Variants in TOX3 observed in about 807,000 individuals in gnomAD.
The protein encoded by TOX3 is CAG trinucleotide repeat-containing gene F9 protein.
TOX3 carries 22 observed loss-of-function variants against 64.3 expected under a neutral mutation model. The observed-to-expected ratio is 0.34, with a 90% CI of 0.24 to 0.49. TOX3 has a LOEUF of 0.49. Among genes scored for constraint, TOX3 ranks in the 20% least tolerant of loss-of-function variants. TOX3 has a pLI of 0.99. For synonymous variants in TOX3, 291 were observed against 273.6 expected (o/e 1.06, Z -0.63); for missense variants, 661 against 714.4 (o/e 0.93, Z 0.85).
chr16:52,538,049 T>G (rs1338953066), intron 1 of TOX3, among the ~76,000 whole-genome samples: 1 of 152,188 alleles, frequency 6.6e-6, no homozygotes, highest in East Asian at 1.9e-4. Context: ...TTTTTCTCAC[T>G]TGCAACCAAA....
chr16:52,457,043 G>A (rs1320150364), intron 3 of TOX3, among the ~76,000 whole-genome samples: 1 of 152,194 alleles, frequency 6.6e-6, no homozygotes, highest in Non-Finnish European at 1.5e-5. Context: ...TCTTAGGGTA[G>A]CAGGATATGA....
chr16:52,446,048 C>G lies in TOX3; in HGVS notation c.852G>C (p.Glu284Asp). The part of the protein sequence containing the change: ...KGQNPNATFG[E>D]VSKIVASMWD... ...ACATAGATGCTACAATTTTTGAGAC[C>G]TCTCCAAAGGTTGCATTGGGGTTTT... Residue 284 changes from glutamate (E) to aspartate (D), a missense_variant, in exon 5 of 7, where the codon GAG (glutamate) becomes GAC (aspartate). Coordinates refer to ENST00000219746, the MANE Select transcript of TOX3 (RefSeq NM_001080430.4). 1 of 1,613,906 alleles carries G rather than the reference C, an allele frequency of 6.2e-7. No homozygotes were observed. The highest frequency in any genetic ancestry group is 1.1e-5 in the South Asian group (1 of 91,086).
At chr16:52,507,853 T>G (rs1218916154) in intron 1 of TOX3, among the ~76,000 whole-genome samples, 1 of 152,202 alleles carries the variant, frequency 6.6e-6, no homozygotes, top group African/African-American at 2.4e-5. Flanking sequence ...CTAGATTACA[T>G]TATTTGAAAG....
intron 1 of TOX3, among the ~76,000 whole-genome samples, chr16:52,514,202 T>C (rs1962384070): frequency 6.6e-6 from 1 of 152,216 alleles, no homozygotes; most frequent in Non-Finnish European, 1.5e-5. Flanking sequence ...TGGAGCTAAA[T>C]AATGGAGTCA....
intron 1 of TOX3, among the ~76,000 whole-genome samples, chr16:52,477,322 T>A (rs1961235252): frequency 6.6e-6 from 1 of 152,100 alleles, no homozygotes; most frequent in Non-Finnish European, 1.5e-5. Flanking sequence ...TTTTGAAATA[T>A]ATTAAATAAG....
chr16:52,546,785 C>A lies in TOX3; in HGVS notation c.-62G>T. Reference sequence around the variant, plus strand: ...GGTTCGCCGGGGCCGGGACCCGCCTCCTCGCCGCCGCTAGATCCACCGTCG... The same window carrying A: ...GGTTCGCCGGGGCCGGGACCCGCCTACTCGCCGCCGCTAGATCCACCGTCG... On this transcript the variant is annotated 5_prime_UTR_variant, in exon 1 of 7. Transcript: ENST00000219746. 2 of 1,421,164 alleles carry A rather than the reference C, an allele frequency of 1.4e-6. No individual in the cohort carries two copies. The highest frequency in any genetic ancestry group is 2.9e-5 in the South Asian group (2 of 69,010). The allele number at this position is 1,421,164 out of a possible 1,614,324, so 88.0% of individuals were successfully genotyped here.
In TOX3 at chr16:52,480,846, A is replaced by G. The variant is rs539978416; in HGVS notation, c.88-12272T>C. ...GATGCAGATAAAGCCATAAACAGTT[A>G]TAAACAGACAGGTATAAACATCAGT... On this transcript the variant is annotated intron_variant, in intron 1 of 6. Transcript: ENST00000219746. 1.8e-4 allele frequency among the ~76,000 whole-genome samples: 27 copies of G among 152,366 alleles called. No homozygotes were observed. The South Asian group carries it at 5.4e-3, about 30-fold the overall frequency.
At chr16:52,523,375 T>C (rs952201108) in intron 1 of TOX3, among the ~76,000 whole-genome samples, 2 of 152,136 alleles carry the variant, frequency 1.3e-5, no homozygotes, top group African/African-American at 2.4e-5. Context: ...AGACCAGGCT[T>C]TCCTCTGAAT....
At chr16:52,440,934 TG>T (rs1959962063) in intron 6 of TOX3, among the ~76,000 whole-genome samples, 1 of 151,864 alleles carries the variant, frequency 6.6e-6, no homozygotes, top group Non-Finnish European at 1.5e-5. Context: ...CTAATTTTTT[TG>T]TATTTTTTAG....
In TOX3 at chr16:52,536,627, C is replaced by CTATATATA. The variant is rs57164139; in HGVS notation, c.87+10002_87+10009dup. On this transcript the variant is annotated intron_variant, in intron 1 of 6. Transcript: ENST00000219746. ...TCTTTTCTACTGAAATAGATATACA[C>CTATATATA]TATATATATATATATATATATATAT... 1.0e-3 allele frequency among the ~76,000 whole-genome samples: 35 copies of CTATATATA among 34,256 alleles called. 1 individual carries two copies. Among genetic ancestry groups the CTATATATA allele is most frequent in the South Asian group, 1.7e-3 (1 of 584 alleles). 22.5% of individuals were successfully genotyped at this position (34,256 alleles called of 152,430 possible). A position where few individuals can be genotyped will look rare whatever the true frequency, so the allele number is the denominator to read the frequency against.
intron 1 of TOX3, among the ~76,000 whole-genome samples, chr16:52,516,977 T>C (rs1962475683): frequency 6.6e-6 from 1 of 152,162 alleles, no homozygotes; most frequent in East Asian, 1.9e-4. Flanking sequence ...CTACAGAGAC[T>C]TACCTAGAAC....
intron 1 of TOX3, among the ~76,000 whole-genome samples, chr16:52,543,487 G>A (rs1963116958): frequency 6.6e-6 from 1 of 152,012 alleles, no homozygotes; most frequent in Non-Finnish European, 1.5e-5. Context: ...ATTGAACTCA[G>A]GAAAGAAAAA....
chr16:52,450,795 AGG>A, intron 3 of TOX3, among the ~76,000 whole-genome samples: 1 of 14,908 alleles, frequency 6.7e-5, no homozygotes, highest in African/African-American at 3.0e-4. Flanking sequence ...TGGATGTGGA[AGG>A]AAGGAAGGAA....
At chr16:52,476,848 T>C (rs1285944720) in intron 1 of TOX3, among the ~76,000 whole-genome samples, 1 of 151,978 alleles carries the variant, frequency 6.6e-6, no homozygotes, top group Non-Finnish European at 1.5e-5. Flanking sequence ...GAAAACTCAG[T>C]TTGGGTGATG....
intron 3 of TOX3, among the ~76,000 whole-genome samples, chr16:52,463,080 T>A (rs192819364): frequency 6.6e-6 from 1 of 152,154 alleles, no homozygotes; most frequent in South Asian, 2.1e-4. Context: ...CAGAGAAATA[T>A]GTAAACAAGC....
intron 1 of TOX3, among the ~76,000 whole-genome samples, chr16:52,491,546 G>A (rs1596822061): frequency 6.6e-6 from 1 of 152,284 alleles, no homozygotes; most frequent in Admixed American, 6.5e-5. Context: ...CTAAGTATGT[G>A]CTGGTATGTA....
chr16:52,536,733 A>T (rs59390555), intron 1 of TOX3, among the ~76,000 whole-genome samples: 1 of 144,890 alleles, frequency 6.9e-6, no homozygotes, highest in African/African-American at 2.6e-5. Flanking sequence ...ACAGCCACTG[A>T]GAATCTTATT....
intron 1 of TOX3, among the ~76,000 whole-genome samples, chr16:52,511,623 T>G (rs1369536811): frequency 6.6e-6 from 1 of 152,222 alleles, no homozygotes; most frequent in East Asian, 1.9e-4. Flanking sequence ...CTTTCTCCTG[T>G]GAAGTATGTG....
At chr16:52,453,768 GGCC>G (rs1233420010) in intron 3 of TOX3, among the ~76,000 whole-genome samples, 6 of 151,654 alleles carry the variant, frequency 4.0e-5, no homozygotes, top group African/African-American at 1.5e-4. Context: ...TGGCTATCAT[GGCC>G]AAACACAAGC....
Sources: allele counts gnomAD v4.1 joint callset (sites outside exome capture counted in the v4.1 genomes callset), GRCh38; gene constraint gnomAD v4.1.1; transcripts MANE v1.5; gene names NCBI Gene and HGNC (gene_info 2026-07-23, HGNC 2026-07-21).